Variants in AUTS2 observed in about 807,000 individuals in gnomAD.
AUTS2 encodes activator of transcription and developmental regulator AUTS2.
In AUTS2, 17 loss-of-function variants were observed where a neutral mutation model predicts 112.4. The observed-to-expected ratio is 0.15, with a 90% confidence interval of 0.10 to 0.23. AUTS2 has a LOEUF of 0.23. AUTS2 is among the 10% of genes least tolerant of loss of function. The probability of loss-of-function intolerance (pLI) is 1.00; values close to 1 mark genes in which losing one functional copy is unlikely to be tolerated. For missense variants in AUTS2, 1,510 were observed against 1,701.6 expected, an observed-to-expected ratio of 0.89 and a Z score of 1.98; for synonymous variants, 751 against 702.7, an observed-to-expected ratio of 1.07 and a Z score of -1.09.
chr7:69,631,367 T>C (rs1357245787), intron 1 of AUTS2, among the ~76,000 whole-genome samples: 2 of 152,216 alleles, frequency 1.3e-5, no homozygotes, highest in East Asian at 3.8e-4. Context: ...ACCTGTTTTC[T>C]GTCCTACTTA....
At position 70,100,763 on chromosome 7, in the gene AUTS2, A is replaced by G. The variant is rs1195711310; in HGVS notation, c.523-17369A>G. Reference sequence around the variant, plus strand: ...GACATTGGGCCAAAGGTCCATTGCTAAGGAGACCCAGGAAAGAATTTATTA... The same window carrying G: ...GACATTGGGCCAAAGGTCCATTGCTGAGGAGACCCAGGAAAGAATTTATTA... On this transcript the variant is annotated intron_variant, in intron 2 of 18. Coordinates refer to ENST00000342771, the MANE Select transcript of AUTS2 (RefSeq NM_015570.4). Among the ~76,000 whole-genome samples the G allele has an allele frequency of 2.0e-5, 3 of 152,190 alleles. No homozygotes were observed. In the South Asian group the frequency reaches 6.2e-4, roughly 32 times the overall value.
At chr7:69,861,161 T>C (rs1706947542) in intron 1 of AUTS2, among the ~76,000 whole-genome samples, 1 of 152,146 alleles carries the variant, frequency 6.6e-6, no homozygotes, top group South Asian at 2.1e-4. Context: ...TCTCTTTGAT[T>C]TGTAGGAGGG....
At chr7:70,712,311 G>A (rs1810104939) in intron 6 of AUTS2, among the ~76,000 whole-genome samples, 1 of 144,086 alleles carries the variant, frequency 6.9e-6, no homozygotes, top group African/African-American at 2.6e-5. Context: ...GCCTCCCAAA[G>A]TGCTAGGATT....
At chr7:69,734,384 G>A (rs927316011) in intron 1 of AUTS2, among the ~76,000 whole-genome samples, 1 of 145,696 alleles carries the variant, frequency 6.9e-6, no homozygotes, top group African/African-American at 2.6e-5. Flanking sequence ...AGGTAAAGAA[G>A]TCTTTCTTTT....
chr7:70,354,478 T>G (rs148182955), intron 4 of AUTS2, among the ~76,000 whole-genome samples: 2 of 152,370 alleles, frequency 1.3e-5, no homozygotes, highest in East Asian at 3.9e-4. Context: ...TCGCATGGAT[T>G]ATCTTAATCC....
At chr7:70,288,216 C>T (rs1270580816) in intron 4 of AUTS2, among the ~76,000 whole-genome samples, 1 of 151,944 alleles carries the variant, frequency 6.6e-6, no homozygotes, top group Admixed American at 6.6e-5. Flanking sequence ...ATTGAGACCA[C>T]GGTGAAACCC....
At chr7:69,914,344 CACACACACACAG>C (rs1407488688) in intron 2 of AUTS2, among the ~76,000 whole-genome samples, 3 of 137,564 alleles carry the variant, frequency 2.2e-5, no homozygotes, top group South Asian at 2.5e-4. Flanking sequence ...CAGACACAGA[CACACACACACAG>C]ACACACACAC....
chr7:69,903,305 A>G (rs1047002674), intron 2 of AUTS2, among the ~76,000 whole-genome samples: 1 of 152,218 alleles, frequency 6.6e-6, no homozygotes, highest in Non-Finnish European at 1.5e-5. Flanking sequence ...ACTTTGGGAA[A>G]ACTTAACCCT....
chr7:70,144,518 A>G (rs533899665), intron 4 of AUTS2, among the ~76,000 whole-genome samples: 5 of 152,216 alleles, frequency 3.3e-5, no homozygotes, highest in Non-Finnish European at 5.9e-5. Flanking sequence ...CTGCATTTGT[A>G]CAGAGGCATA....
intron 5 of AUTS2, among the ~76,000 whole-genome samples, chr7:70,497,258 T>TCACA (rs148815310): frequency 5.3e-5 from 4 of 75,060 alleles, no homozygotes; most frequent in African/African-American, 2.2e-4. Context: ...ACGTACACAG[T>TCACA]CACACACACA....
intron 4 of AUTS2, among the ~76,000 whole-genome samples, chr7:70,315,061 T>C (rs1173280820): frequency 6.6e-6 from 1 of 152,220 alleles, no homozygotes; most frequent in Non-Finnish European, 1.5e-5. Context: ...CTGTATCCTA[T>C]TGTGCTAATA....
intron 1 of AUTS2, among the ~76,000 whole-genome samples, chr7:69,795,885 A>G (rs1789819648): frequency 6.6e-6 from 1 of 152,220 alleles, no homozygotes; most frequent in Non-Finnish European, 1.5e-5. Flanking sequence ...GTGGCTCGTT[A>G]TAAACCAGGA....
At chr7:70,731,631 A>T (rs570134002) in intron 6 of AUTS2, among the ~76,000 whole-genome samples, 27 of 151,592 alleles carry the variant, frequency 1.8e-4, no homozygotes, top group Non-Finnish European at 3.8e-4. Flanking sequence ...GGGTTTCACC[A>T]TGTTAGCCAG....
At chr7:70,206,060 G>A (rs1307028952) in intron 4 of AUTS2, among the ~76,000 whole-genome samples, 2 of 152,200 alleles carry the variant, frequency 1.3e-5, no homozygotes, top group Non-Finnish European at 2.9e-5. Context: ...ACTGGGATCT[G>A]TGAGGTTAAA....
intron 2 of AUTS2, among the ~76,000 whole-genome samples, chr7:70,026,497 A>G (rs1322522476): frequency 6.6e-6 from 1 of 152,168 alleles, no homozygotes; most frequent in Admixed American, 6.5e-5. Context: ...CCAAGGCCTA[A>G]TTGGAGATCT....
chr7:70,029,645 G>A (rs1005252601), intron 2 of AUTS2, among the ~76,000 whole-genome samples: 2 of 152,106 alleles, frequency 1.3e-5, no homozygotes, highest in Non-Finnish European at 2.9e-5. Flanking sequence ...CTTTGCGGTT[G>A]TCATATAGAT....
At chr7:70,716,217 G>A (rs529456100) in intron 6 of AUTS2, among the ~76,000 whole-genome samples, 10 of 152,312 alleles carry the variant, frequency 6.6e-5, no homozygotes, top group African/African-American at 2.2e-4. Context: ...TCTATTACCT[G>A]TGAGAACACT....
chr7:69,684,091 T>C (rs773291558), intron 1 of AUTS2, among the ~76,000 whole-genome samples: 2 of 152,204 alleles, frequency 1.3e-5, no homozygotes, highest in African/African-American at 2.4e-5. Flanking sequence ...GAAACAGCCC[T>C]GTAGGTTCTT....
chr7:70,612,792 A>G (rs1275637297), intron 5 of AUTS2, among the ~76,000 whole-genome samples: 3 of 150,366 alleles, frequency 2.0e-5, no homozygotes, highest in African/African-American at 4.9e-5. Context: ...TCTTTTCTAC[A>G]TTTTTTTTTT....
Sources: allele counts gnomAD v4.1 joint callset (sites outside exome capture counted in the v4.1 genomes callset), GRCh38; gene constraint gnomAD v4.1.1; transcripts MANE v1.5; gene names NCBI Gene and HGNC (gene_info 2026-07-23, HGNC 2026-07-21).